Variants in SERPINB7 observed in about 807,000 individuals in gnomAD.
SERPINB7 encodes serpin B7.
SERPINB7 carries 31 observed loss-of-function variants against 37.4 expected under a neutral mutation model. The observed-to-expected ratio is 0.83, with a 90% CI of 0.62 to 1.12. The LOEUF is 1.12. Among genes scored for constraint, SERPINB7 ranks in the 50% most tolerant of loss-of-function variants. The pLI is 0.00. For synonymous variants in SERPINB7, 163 were observed against 166.1 expected, an observed-to-expected ratio of 0.98 and a Z score of 0.14; for missense variants, 521 against 455.3, an observed-to-expected ratio of 1.14 and a Z score of -1.31.
chr18:63,790,048 A>G (rs2049410959), intron 2 of SERPINB7, among the ~76,000 whole-genome samples: 1 of 152,230 alleles, frequency 6.6e-6, no homozygotes, highest in Non-Finnish European at 1.5e-5. Flanking sequence ...CATAGTCACT[A>G]TTGAAATAAA....
rs554608481 is a variant in SERPINB7, at chr18:63,766,870, A to C, written c.-19+13750A>C. On this transcript the variant is annotated intron_variant, in intron 1 of 7. Transcript: ENST00000336429. The stretch of plus-strand genomic sequence containing the variant: ...TCTAGTCATCTGCATTTTGGTAAAA[A>C]GCAAGGCAACTAGTTACATAAACCA... Among the ~76,000 whole-genome samples, 4 of 152,322 alleles carry C rather than the reference A, an allele frequency of 2.6e-5. No homozygotes were observed. In the East Asian group the frequency reaches 5.8e-4, roughly 22 times the overall value.
chr18:63,786,616 CTTT>C (rs56247165), intron 2 of SERPINB7, among the ~76,000 whole-genome samples: 9 of 151,570 alleles, frequency 5.9e-5, no homozygotes, highest in African/African-American at 2.2e-4. Flanking sequence ...TTCATAGTAT[CTTT>C]TTTTTTAAAA....
At chr18:63,804,153 T>G (rs750142798) in intron 7 of SERPINB7, 84 bp from the exon 8 acceptor site, 6 of 1,019,046 alleles carry the variant, frequency 5.9e-6, no homozygotes, top group African/African-American at 4.8e-5. Context: ...GCGATAATTA[T>G]AGAAAACTAT....
At chr18:63,765,366 T>C (rs1266154800) in intron 1 of SERPINB7, among the ~76,000 whole-genome samples, 1 of 152,176 alleles carries the variant, frequency 6.6e-6, no homozygotes, top group Non-Finnish European at 1.5e-5. Context: ...TGGCACTCCG[T>C]GGTCCACATC....
At chr18:63,799,219 T>C (rs895933508) in intron 6 of SERPINB7, among the ~76,000 whole-genome samples, 5 of 152,230 alleles carry the variant, frequency 3.3e-5, no homozygotes, top group Admixed American at 6.5e-5. Context: ...CCATATGTAT[T>C]TCTTCATTTA....
chr18:63,791,856 C>T (rs890307059), intron 2 of SERPINB7, among the ~76,000 whole-genome samples: 5 of 152,128 alleles, frequency 3.3e-5, no homozygotes, highest in Non-Finnish European at 7.3e-5. Context: ...GTGATCTGCC[C>T]GCCTTGGCCT....
Position 63,793,182 on chromosome 18 carries a change from A to G in SERPINB7, c.241A>G (p.Lys81Glu). ...ACAGTCAGGGCTCCAGTCTCAACTGAAAAGAGTTTTTTCTGATATAAATGC... is the reference window on the plus strand; with the variant it reads ...ACAGTCAGGGCTCCAGTCTCAACTGGAAAGAGTTTTTTCTGATATAAATGC... ...NSQSGLQSQL[K>E]RVFSDINASH... The change falls in exon 4 of 8, where the codon AAA becomes GAA. Residue 81 changes from lysine to glutamate, a missense_variant. Transcript: ENST00000398019. 1.3e-6 allele frequency: 2 copies of G among 1,587,632 alleles called. No individual in the cohort carries two copies. The highest frequency in any genetic ancestry group is 1.7e-6 in the Non-Finnish European group (2 of 1,164,978).
upstream of SERPINB7, among the ~76,000 whole-genome samples, chr18:63,771,915 G>C (rs377247284): frequency 1.6e-4 from 23 of 148,044 alleles, no homozygotes; most frequent in Admixed American, 4.7e-4. Flanking sequence ...GGTTCAAAAA[G>C]GAAAAAAAAA....
intron 1 of SERPINB7, among the ~76,000 whole-genome samples, chr18:63,757,078 T>C (rs1598986071): frequency 6.6e-6 from 1 of 152,176 alleles, no homozygotes; most frequent in Admixed American, 6.5e-5. Context: ...TGTTTGTTTT[T>C]TTTCTTGTAA....
At chr18:63,796,522 G>A in intron 5 of SERPINB7, 139 bp downstream of exon 5, 1 of 546,462 alleles carries the variant, frequency 1.8e-6, no homozygotes, top group Non-Finnish European at 3.3e-6. Flanking sequence ...ACTTAAAATT[G>A]CTTTAGTATT....
chr18:63,767,704 T>A (rs2144591565), intron 1 of SERPINB7, among the ~76,000 whole-genome samples: 1 of 152,188 alleles, frequency 6.6e-6, no homozygotes, highest in African/African-American at 2.4e-5. Context: ...AGCTGGAAAC[T>A]GTTATTTCTC....
At chr18:63,777,771 G>C (rs561819227) in intron 1 of SERPINB7, 2 of 151,896 alleles carry the variant, frequency 1.3e-5, no homozygotes, top group South Asian at 4.2e-4. Flanking sequence ...GTAATGCAAA[G>C]AACTCTTTCA....
chr18:63,764,355 A>G (rs984067212), intron 1 of SERPINB7, among the ~76,000 whole-genome samples: 1 of 152,232 alleles, frequency 6.6e-6, no homozygotes, highest in African/African-American at 2.4e-5. Flanking sequence ...TTCATATTCA[A>G]ATAAACATAT....
At chr18:63,782,672 G>T in intron 2 of SERPINB7, 132 bp downstream of exon 2, 10 of 820,380 alleles carry the variant, frequency 1.2e-5, no homozygotes, top group Non-Finnish European at 1.9e-5. Flanking sequence ...ACATCTCCAC[G>T]AGGCCCTCTT....
chr18:63,757,077 T>C (rs760209049), intron 1 of SERPINB7, among the ~76,000 whole-genome samples: 1 of 152,170 alleles, frequency 6.6e-6, no homozygotes, highest in African/African-American at 2.4e-5. Flanking sequence ...TTGTTTGTTT[T>C]TTTTCTTGTA....
chr18:63,803,638 A>G (rs2049573209), intron 7 of SERPINB7, among the ~76,000 whole-genome samples: 1 of 152,180 alleles, frequency 6.6e-6, no homozygotes, highest in Admixed American at 6.6e-5. Context: ...ATATCCAGCT[A>G]CATCCTCCTG....
intron 2 of SERPINB7, among the ~76,000 whole-genome samples, chr18:63,787,624 T>C (rs1231645175): frequency 2.0e-5 from 3 of 152,170 alleles, no homozygotes; most frequent in Non-Finnish European, 2.9e-5. Context: ...TATTCCTAAA[T>C]AATTCTTTCC....
intron 1 of SERPINB7, among the ~76,000 whole-genome samples, chr18:63,777,009 T>A (rs940997789): frequency 6.6e-5 from 10 of 152,078 alleles, no homozygotes; most frequent in Non-Finnish European, 1.5e-4. Flanking sequence ...GCATTAATCA[T>A]ACAACGAAAA....
Position 63,805,290 on chromosome 18 carries a change from G to T in SERPINB7, c.*655G>T, listed in dbSNP as rs150780396. The T allele has an allele frequency of 2.0e-4, 31 of 152,362 alleles. No homozygotes were observed. Among genetic ancestry groups the T allele is most frequent in the African/African-American group, 6.5e-4 (27 of 41,548 alleles). 9.4% of individuals were successfully genotyped at this position (152,362 alleles called of 1,614,324 possible). On this transcript the variant is annotated 3_prime_UTR_variant, in exon 8 of 8. Coordinates refer to ENST00000398019, the MANE Select transcript of SERPINB7 (RefSeq NM_003784.4). ...AAAGATCTTTTAACTGTTGGCAGTT[G>T]TTATCTACAGAATCATATCTCATAT...
Sources: gnomAD v4.1 joint callset for allele counts (sites outside exome capture counted in the v4.1 genomes callset) on GRCh38, gnomAD v4.1.1 for gene constraint, MANE v1.5 for transcripts, NCBI Gene and HGNC (gene_info 2026-07-23, HGNC 2026-07-21) for gene names.